RASEF: variants seen among roughly 807,000 people sequenced by gnomAD.
The protein encoded by RASEF is ras and EF-hand domain-containing protein.
A neutral mutation model predicts 90.1 loss-of-function variants in RASEF; 68 were observed. That is an observed-to-expected ratio of 0.75 (90% CI 0.62 to 0.92). RASEF has a LOEUF of 0.92. Ranked by LOEUF, RASEF falls within the 40% of genes least tolerant of loss-of-function variation. The pLI, the probability that RASEF is intolerant of heterozygous loss-of-function variation, is 0.00. For synonymous variants in RASEF, 331 were observed against 345.2 expected, an observed-to-expected ratio of 0.96 and a Z score of 0.46; for missense variants, 949 against 937.2, an observed-to-expected ratio of 1.01 and a Z score of -0.16.
the RASEF span, among the ~76,000 whole-genome samples, chr9:83,178,849 C>T: frequency 3.6e-4 from 55 of 152,246 alleles, no homozygotes; most frequent in South Asian, 0.011. Flanking sequence ...AATGCCCCTG[C>T]CTAGTTGAAG....
the RASEF span, among the ~76,000 whole-genome samples, chr9:83,172,786 G>C: frequency 6.6e-6 from 1 of 151,864 alleles, no homozygotes; most frequent in Non-Finnish European, 1.5e-5. Flanking sequence ...GATAGCAGTA[G>C]TTGATACATC....
At chr9:83,154,628 G>C in the RASEF span, among the ~76,000 whole-genome samples, 3 of 152,158 alleles carry the variant, frequency 2.0e-5, no homozygotes, top group East Asian at 3.9e-4. Context: ...CAAAGAGTCA[G>C]AGCATGATTT....
the RASEF span, among the ~76,000 whole-genome samples, chr9:83,134,413 C>CACACACACACAA: frequency 9.2e-6 from 1 of 108,494 alleles, no homozygotes; most frequent in Non-Finnish European, 1.9e-5. Context: ...CAATAGCGCA[C>CACACACACACAA]ACACACACAC....
the RASEF span, among the ~76,000 whole-genome samples, chr9:83,103,932 T>G: frequency 6.6e-6 from 1 of 152,198 alleles, no homozygotes; most frequent in Non-Finnish European, 1.5e-5. Flanking sequence ...GAAGTCCCAT[T>G]CAATTAGGGA....
intron 1 of RASEF, among the ~76,000 whole-genome samples, chr9:83,046,136 T>C (rs987721534): frequency 6.6e-5 from 10 of 152,182 alleles, no homozygotes; most frequent in Admixed American, 3.9e-4. Flanking sequence ...GTTTGTTACA[T>C]AGGTAAACTC....
At chr9:83,175,330 T>C in the RASEF span, among the ~76,000 whole-genome samples, 2 of 152,216 alleles carry the variant, frequency 1.3e-5, no homozygotes, top group African/African-American at 2.4e-5. Context: ...CATTGGACTT[T>C]ATCAGTTGTT....
chr9:83,115,995 C>T, the RASEF span, among the ~76,000 whole-genome samples: 1 of 152,030 alleles, frequency 6.6e-6, no homozygotes, highest in Non-Finnish European at 1.5e-5. Context: ...GTATACCATG[C>T]CTTTTTTGAA....
the RASEF span, among the ~76,000 whole-genome samples, chr9:83,150,381 A>G: frequency 6.6e-6 from 1 of 152,164 alleles, no homozygotes. Flanking sequence ...AACCACCCCC[A>G]TAATTAAGCT....
At chr9:83,087,405 T>TTCTCTCTCTCTCTCTCTCTCTC in the RASEF span, among the ~76,000 whole-genome samples, 988 of 115,496 alleles carry the variant, frequency 8.6e-3, 45 homozygotes, top group East Asian at 0.011. Flanking sequence ...TTCTCATTCA[T>TTCTCTCTCTCTCTCTCTCTCTC]TCTCTCTCTC....
At chr9:83,018,083 ACTACTAACAT>A (rs1829376184) in intron 3 of RASEF, among the ~76,000 whole-genome samples, 1 of 152,216 alleles carries the variant, frequency 6.6e-6, no homozygotes, top group Admixed American at 6.5e-5. Context: ...TGAACACTAC[ACTACTAACAT>A]CACATTCAAT....
the RASEF span, among the ~76,000 whole-genome samples, chr9:83,091,999 ATTTCTTTTT>A: frequency 5.8e-5 from 1 of 17,240 alleles, no homozygotes; most frequent in African/African-American, 2.4e-4. Context: ...TTTTTCTTTT[ATTTCTTTTT>A]TTTTTTTTTT....
At chr9:83,056,183 G>A (rs77246316) in intron 1 of RASEF, among the ~76,000 whole-genome samples, 2,108 of 152,240 alleles carry the variant, frequency 0.014, 40 homozygotes, top group African/African-American at 0.048. Context: ...AGCAGTTATC[G>A]TTTGGAAGAC....
the RASEF span, among the ~76,000 whole-genome samples, chr9:83,170,335 AG>A: frequency 1.3e-5 from 2 of 152,076 alleles, no homozygotes; most frequent in African/African-American, 4.8e-5. Context: ...ACAGCTTTGT[AG>A]TATATTTGAG....
the RASEF span, among the ~76,000 whole-genome samples, chr9:83,099,925 T>C: frequency 6.6e-6 from 1 of 152,240 alleles, no homozygotes; most frequent in African/African-American, 2.4e-5. Context: ...ACAGCACTTA[T>C]GAAATCAGAT....
chr9:82,988,807 G>C (rs972036065), intron 16 of RASEF, among the ~76,000 whole-genome samples: 3 of 152,156 alleles, frequency 2.0e-5, no homozygotes. Flanking sequence ...GCAGAACCAT[G>C]AGCCAATTGA....
the RASEF span, among the ~76,000 whole-genome samples, chr9:83,076,319 G>A: frequency 6.6e-6 from 1 of 151,958 alleles, no homozygotes; most frequent in African/African-American, 2.4e-5. Flanking sequence ...TTTCACTAAT[G>A]TAGTAATTAG....
the RASEF span, among the ~76,000 whole-genome samples, chr9:83,139,176 T>C: frequency 2.6e-5 from 4 of 152,156 alleles, no homozygotes; most frequent in African/African-American, 9.7e-5. Flanking sequence ...AGGATATGCC[T>C]CTTAACAGGA....
chr9:83,205,912 TCTGAA>T, the RASEF span, among the ~76,000 whole-genome samples: 1 of 152,222 alleles, frequency 6.6e-6, no homozygotes, highest in Non-Finnish European at 1.5e-5. Flanking sequence ...AGCTGGTCAT[TCTGAA>T]TATCATTTTG....
the RASEF span, among the ~76,000 whole-genome samples, chr9:83,217,707 T>C: frequency 6.6e-6 from 1 of 152,314 alleles, no homozygotes; most frequent in South Asian, 2.1e-4. Flanking sequence ...TATTTTTCTT[T>C]ATAAATGACC....
Sources: gnomAD v4.1 joint callset for allele counts (sites outside exome capture counted in the v4.1 genomes callset) on GRCh38, gnomAD v4.1.1 for gene constraint, MANE v1.5 for transcripts, NCBI Gene and HGNC (gene_info 2026-07-23, HGNC 2026-07-21) for gene names.